Variants in XYLT1 observed in about 807,000 individuals in gnomAD.
XYLT1 encodes the protein xylosyltransferase 1, also known as beta-D-xylosyltransferase 1.
In XYLT1, 36 loss-of-function variants were observed where a neutral mutation model predicts 91.3. That is an observed-to-expected ratio of 0.39 (90% CI 0.30 to 0.52). The LOEUF (loss-of-function observed/expected upper bound fraction) is 0.52. XYLT1 is among the 20% of genes least tolerant of loss of function. XYLT1 has a pLI of 0.68. For synonymous variants in XYLT1, 588 were observed against 532.0 expected, an observed-to-expected ratio of 1.11 and a Z score of -1.45; for missense variants, 1,242 against 1,284.5, an observed-to-expected ratio of 0.97 and a Z score of 0.51.
intron 4 of XYLT1, 29 bp downstream of exon 4, chr16:17,200,453 A>C: frequency 6.2e-7 from 1 of 1,601,468 alleles, no homozygotes; most frequent in Non-Finnish European, 8.6e-7. Flanking sequence ...AAGAAAGCCC[A>C]GCAAGGGGTG....
At chr16:17,113,095 T>A (rs1966845539) in intron 11 of XYLT1, among the ~76,000 whole-genome samples, 2 of 151,934 alleles carry the variant, frequency 1.3e-5, no homozygotes, top group African/African-American at 4.8e-5. Flanking sequence ...CACCTCAGCC[T>A]CCCAAAGTGC....
intron 6 of XYLT1, among the ~76,000 whole-genome samples, chr16:17,145,925 G>A (rs2031118683): frequency 6.6e-6 from 1 of 152,182 alleles, no homozygotes; most frequent in Admixed American, 6.5e-5. Context: ...CTCCTCGCAG[G>A]TAGCCTTTAT....
intron 1 of XYLT1, among the ~76,000 whole-genome samples, chr16:17,450,260 C>A (rs1022195089): frequency 1.1e-4 from 16 of 152,126 alleles, no homozygotes; most frequent in Admixed American, 8.5e-4. Flanking sequence ...ATCGCTTGAA[C>A]CCAGGAGGCA....
chr16:17,232,751 T>C (rs1378181787), intron 3 of XYLT1, among the ~76,000 whole-genome samples: 3 of 151,694 alleles, frequency 2.0e-5, no homozygotes, highest in African/African-American at 7.3e-5. Context: ...GTGTTGGCAA[T>C]GGTGGTAGTG....
At chr16:17,426,248 G>T (rs1428901011) in intron 1 of XYLT1, among the ~76,000 whole-genome samples, 2 of 152,080 alleles carry the variant, frequency 1.3e-5, no homozygotes, top group Admixed American at 6.5e-5. Flanking sequence ...ATAAATTTAT[G>T]ACAACAATAA....
At chr16:17,199,800 C>CT (rs2032499049) in intron 4 of XYLT1, among the ~76,000 whole-genome samples, 2 of 152,236 alleles carry the variant, frequency 1.3e-5, no homozygotes, top group African/African-American at 4.8e-5. Flanking sequence ...AAACATCTTT[C>CT]TTTATAAATT....
intron 5 of XYLT1, among the ~76,000 whole-genome samples, chr16:17,164,866 C>T (rs1384238127): frequency 6.6e-6 from 1 of 152,110 alleles, no homozygotes; most frequent in Non-Finnish European, 1.5e-5. Flanking sequence ...CCTGGTTTGC[C>T]CAGGACTGAG....
At chr16:17,350,770 T>G (rs1362038453) in intron 2 of XYLT1, among the ~76,000 whole-genome samples, 1 of 151,314 alleles carries the variant, frequency 6.6e-6, no homozygotes, top group African/African-American at 2.5e-5. Flanking sequence ...CTCCAAAAAC[T>G]GCTCTCTGTG....
At chr16:17,426,210 C>G (rs1301802597) in intron 1 of XYLT1, among the ~76,000 whole-genome samples, 1 of 152,138 alleles carries the variant, frequency 6.6e-6, no homozygotes, top group African/African-American at 2.4e-5. Flanking sequence ...AAGTTACATA[C>G]AAATAAACAA....
intron 10 of XYLT1, among the ~76,000 whole-genome samples, chr16:17,126,176 C>T (rs2030254143): frequency 6.6e-6 from 1 of 152,202 alleles, no homozygotes; most frequent in African/African-American, 2.4e-5. Context: ...GTTCTCACTC[C>T]AAGGGTACCA....
chr16:17,312,787 C>G lies in XYLT1; in HGVS notation c.402+45225G>C, dbSNP rs1596476885. ...AGAATAAAGTGACTTGTCCAAGGAGCTCGAATTCAGGGAATCTAGCTCTAA... is the reference window on the plus strand; with the variant it reads ...AGAATAAAGTGACTTGTCCAAGGAGGTCGAATTCAGGGAATCTAGCTCTAA... On this transcript the variant is annotated intron_variant, in intron 2 of 11. Coordinates refer to ENST00000261381, the MANE Select transcript of XYLT1 (RefSeq NM_022166.4). The surrounding 1 kb of genome is among the most constrained non-coding windows in gnomAD (Gnocchi z 4.4). Among the ~76,000 whole-genome samples, 1 of 152,224 alleles carries G rather than the reference C, an allele frequency of 6.6e-6. No individual in the cohort carries two copies. Among genetic ancestry groups the G allele is most frequent in the Non-Finnish European group, 1.5e-5 (1 of 68,044 alleles).
At chr16:17,161,713 G>A (rs1161805121) in intron 5 of XYLT1, among the ~76,000 whole-genome samples, 6 of 145,262 alleles carry the variant, frequency 4.1e-5, no homozygotes, top group Admixed American at 6.8e-5. Context: ...ACTCACACAC[G>A]TTTCTCACTC....
intron 3 of XYLT1, among the ~76,000 whole-genome samples, chr16:17,231,866 G>T (rs1282283445): frequency 2.0e-5 from 3 of 151,868 alleles, no homozygotes; most frequent in Admixed American, 2.0e-4. Context: ...AGTAAGTCGT[G>T]GGTGAATATG....
chr16:17,185,405 C>G (rs1418445242), intron 5 of XYLT1, among the ~76,000 whole-genome samples: 5 of 152,178 alleles, frequency 3.3e-5, no homozygotes, highest in Admixed American at 3.3e-4. Context: ...TGGATGGTTT[C>G]GAACCCAGGA....
rs769212477 is a variant in XYLT1, at chr16:17,259,006, G to A, written c.895C>T (p.Arg299Trp). The A allele has an allele frequency of 2.7e-6, 4 of 1,505,548 alleles. No homozygotes were observed. In the African/African-American group the frequency reaches 4.2e-5, roughly 16 times the overall value. The allele number at this position is 1,505,548 out of a possible 1,614,324, so 93.3% of individuals were successfully genotyped here. A position where few individuals can be genotyped will look rare whatever the true frequency, so the allele number is the denominator to read the frequency against. The change falls in exon 3 of 12, where the codon CGG becomes TGG. Residue 299 changes from arginine (R) to tryptophan (W), a missense_variant. Coordinates refer to ENST00000261381, the MANE Select transcript of XYLT1 (RefSeq NM_022166.4). ...AACTTACCCTCGAGGGGGCAGAACCGAGTCACCTTCTCAGGCATCAGCAGC... is the reference window on the plus strand; with the variant it reads ...AACTTACCCTCGAGGGGGCAGAACCAAGTCACCTTCTCAGGCATCAGCAGC... ...LGLLMPEKVTRFCPLEGKANK... is the reference protein window; with the variant it reads ...LGLLMPEKVTWFCPLEGKANK...
At chr16:17,413,537 T>C (rs1431803893) in intron 1 of XYLT1, among the ~76,000 whole-genome samples, 3 of 151,788 alleles carry the variant, frequency 2.0e-5, no homozygotes, top group East Asian at 1.9e-4. Context: ...CCTCAACCTC[T>C]TGGGTTCAAT....
At position 17,306,750 on chromosome 16, in the gene XYLT1, G is replaced by A. The variant is rs117731623; in HGVS notation, c.403-47252C>T. Among the ~76,000 whole-genome samples, 1,507 of 152,220 alleles carry A rather than the reference G, an allele frequency of 9.9e-3. 10 individuals carry two copies. Among genetic ancestry groups the A allele is most frequent in the Middle Eastern group, 0.027 (8 of 292 alleles). On this transcript the variant is annotated intron_variant, in intron 2 of 11. Coordinates refer to ENST00000261381, the MANE Select transcript of XYLT1 (RefSeq NM_022166.4). ...CATGAGGACATGAATCCTTTGGTAA[G>A]ATTAAACATCCAAATTCCTAGAAAT... is the stretch of plus-strand genomic sequence containing the variant.
intron 3 of XYLT1, among the ~76,000 whole-genome samples, chr16:17,242,450 CT>C (rs2033362450): frequency 6.6e-6 from 1 of 152,168 alleles, no homozygotes; most frequent in African/African-American, 2.4e-5. Context: ...CCAGGGCTCC[CT>C]ACGACCCTAG....
At chr16:17,329,727 T>G (rs1412684035) in intron 2 of XYLT1, among the ~76,000 whole-genome samples, 2 of 152,124 alleles carry the variant, frequency 1.3e-5, no homozygotes, top group Non-Finnish European at 2.9e-5. Flanking sequence ...ACCCGTGAGT[T>G]TGTAGACATG....
Sources: gnomAD v4.1 joint callset for allele counts (sites outside exome capture counted in the v4.1 genomes callset) on GRCh38, gnomAD v4.1.1 for gene constraint, Gnocchi (gnomAD v3.1) non-coding constraint, MANE v1.5 for transcripts, NCBI Gene and HGNC (gene_info 2026-07-23, HGNC 2026-07-21) for gene names.